MTMR10: variants seen among roughly 807,000 people sequenced by gnomAD.
The protein encoded by MTMR10 is myotubularin-related protein 10.
MTMR10 carries 56 observed loss-of-function variants against 88.1 expected under a neutral mutation model. The ratio of observed to expected loss-of-function variants is 0.64; its 90% CI spans 0.51 to 0.79. The LOEUF is 0.79. MTMR10 is among the 30% of genes least tolerant of loss of function. The pLI, the probability that MTMR10 is intolerant of heterozygous loss-of-function variation, is 0.00. For missense variants in MTMR10, 883 were observed against 924.7 expected (o/e 0.95, Z 0.58); for synonymous variants, 380 against 340.9 (o/e 1.11, Z -1.26).
downstream of MTMR10, chr15:30,937,370 T>G: frequency 9.7e-7 from 1 of 1,034,730 alleles, no homozygotes; most frequent in Non-Finnish European, 1.4e-6. Flanking sequence ...GTTTGACTTG[T>G]CATTTTACAG....
intron 12 of MTMR10, chr15:30,949,542 T>C (rs1005495659): frequency 3.9e-5 from 6 of 152,200 alleles, no homozygotes; most frequent in African/African-American, 9.7e-5. Flanking sequence ...TCTGAGTACA[T>C]AGTAAACCTG....
chr15:30,987,579 A>T (rs1442306785), intron 2 of MTMR10, among the ~76,000 whole-genome samples: 2 of 152,208 alleles, frequency 1.3e-5, no homozygotes, highest in Non-Finnish European at 2.9e-5. Flanking sequence ...CTGCTTATTG[A>T]ATTAGAAGTT....
intron 15 of MTMR10, 90 bp downstream of exon 15, chr15:30,942,799 GA>G: frequency 7.7e-7 from 1 of 1,303,524 alleles, no homozygotes; most frequent in Non-Finnish European, 1.0e-6. Context: ...GTTACTCTTG[GA>G]AGTGCCTTTA....
In MTMR10 at chr15:30,940,885, T is replaced by G; in HGVS notation, c.*585A>C. 3 of 1,017,072 alleles carry G rather than the reference T, an allele frequency of 2.9e-6. No homozygotes were observed. Among genetic ancestry groups the G allele is most frequent in the Non-Finnish European group, 3.5e-6 (3 of 849,066 alleles). The allele number at this position is 1,017,072 out of a possible 1,614,324, so 63.0% of individuals were successfully genotyped here. ...ATTAACAGTGCATATCATTTTAAAG[T>G]TGACCCTATGAAGTTAAAAGCAAAC... On this transcript the variant is annotated 3_prime_UTR_variant, in exon 16 of 16. Coordinates refer to ENST00000435680, the MANE Select transcript of MTMR10 (RefSeq NM_017762.3).
rs1019133856 is a variant in MTMR10 at position 30,961,021 on chromosome 15, T to A, written c.618A>T (p.Gly206=). ...PSGDGGGGGG[G]GNGAGGGSSQ... ...TGCTGCCACCACCAGCTCCATTACC[T>A]CCTCCTCCTCCTCCTCCTCCATCTC... The change falls in exon 7 of 16, where the codon GGA becomes GGT. Residue 206 remains glycine, a synonymous_variant. Coordinates refer to ENST00000435680, the MANE Select transcript of MTMR10 (RefSeq NM_017762.3). 4 of 1,375,406 alleles carry A rather than the reference T, an allele frequency of 2.9e-6. No homozygotes were observed. The South Asian group carries it at 6.0e-5, about 21-fold the overall frequency. 85.2% of individuals were successfully genotyped at this position (1,375,406 alleles called of 1,614,324 possible).
intron 12 of MTMR10, chr15:30,950,202 A>T (rs1164369759): frequency 6.6e-6 from 1 of 152,204 alleles, no homozygotes; most frequent in Non-Finnish European, 1.5e-5. Flanking sequence ...CACCCACTGG[A>T]TGAGAGAAAT....
At chr15:30,978,650 G>A (rs2030334419) in intron 2 of MTMR10, among the ~76,000 whole-genome samples, 1 of 152,184 alleles carries the variant, frequency 6.6e-6, no homozygotes, top group Admixed American at 6.5e-5. Context: ...GGTGAGGAAG[G>A]CAGATGGTTT....
chr15:30,953,348 G>A (rs551492405), intron 11 of MTMR10, among the ~76,000 whole-genome samples: 93 of 152,226 alleles, frequency 6.1e-4, no homozygotes, highest in African/African-American at 1.8e-3. Flanking sequence ...GCACACAGAC[G>A]ACAGCATGTA....
chr15:30,963,446 C>A (rs942269168), intron 6 of MTMR10, among the ~76,000 whole-genome samples: 1 of 151,616 alleles, frequency 6.6e-6, no homozygotes, highest in Non-Finnish European at 1.5e-5. Flanking sequence ...TTGGCTAACA[C>A]GGTGAAACCC....
the MTMR10 span, among the ~76,000 whole-genome samples, chr15:30,920,257 G>A: frequency 0.02 from 3,023 of 152,300 alleles, 37 homozygotes; most frequent in Non-Finnish European, 0.029. Context: ...TTAGTTTGCA[G>A]GACATAGAAA....
intron 2 of MTMR10, 75 bp from the exon 3 acceptor site, chr15:30,977,030 T>C (rs2030204519): frequency 1.4e-6 from 2 of 1,438,174 alleles, no homozygotes; most frequent in East Asian, 2.3e-5. Context: ...CTAGAAGGAG[T>C]GTTTCATGAG....
chr15:30,926,924 A>G, the MTMR10 span: 2 of 985,338 alleles, frequency 2.0e-6, no homozygotes, highest in Non-Finnish European at 2.4e-6. Context: ...TTTGTGTCAG[A>G]GCGATCTCAA....
chr15:30,928,703 C>T, the MTMR10 span: 41 of 1,611,140 alleles, frequency 2.5e-5, no homozygotes, highest in African/African-American at 1.2e-4. Flanking sequence ...TGCACACATC[C>T]GTGGCTCACG....
the MTMR10 span, among the ~76,000 whole-genome samples, chr15:30,919,216 A>T: frequency 6.6e-6 from 1 of 151,762 alleles, no homozygotes; most frequent in Admixed American, 6.6e-5. Flanking sequence ...CCTCGTCTCT[A>T]CTAAAAATAC....
chr15:30,937,440 T>G (rs1220206365), downstream of MTMR10, among the ~76,000 whole-genome samples: 1 of 143,936 alleles, frequency 6.9e-6, no homozygotes, highest in East Asian at 2.1e-4. Flanking sequence ...ACACAGTGGG[T>G]AATAAACTTT....
downstream of MTMR10, chr15:30,937,144 A>G (rs767718186): frequency 6.2e-7 from 1 of 1,613,534 alleles, no homozygotes; most frequent in Non-Finnish European, 8.5e-7. Context: ...GGCCCCAATG[A>G]TCGTCTTTCA....
intron 2 of MTMR10, among the ~76,000 whole-genome samples, chr15:30,980,857 C>A (rs1049018126): frequency 6.6e-6 from 1 of 152,006 alleles, no homozygotes; most frequent in South Asian, 2.1e-4. Flanking sequence ...ACAAAAATGC[C>A]GGATTAGAAA....
intron 14 of MTMR10, among the ~76,000 whole-genome samples, chr15:30,944,960 T>G (rs1350983865): frequency 6.6e-6 from 1 of 150,884 alleles, no homozygotes; most frequent in African/African-American, 2.4e-5. Flanking sequence ...TGCAGTGAGC[T>G]GATATTGTAC....
intron 6 of MTMR10, among the ~76,000 whole-genome samples, chr15:30,964,998 T>C (rs1595930070): frequency 6.6e-6 from 1 of 151,996 alleles, no homozygotes; most frequent in East Asian, 1.9e-4. Context: ...AGGAATAAGG[T>C]AAAAAGAGGA....
Sources: allele counts gnomAD v4.1 joint callset (sites outside exome capture counted in the v4.1 genomes callset), GRCh38; gene constraint gnomAD v4.1.1; transcripts MANE v1.5; gene names NCBI Gene and HGNC (gene_info 2026-07-23, HGNC 2026-07-21).